Variants in GFRA2 observed in about 807,000 individuals in gnomAD.
GFRA2 encodes GDNF family receptor alpha 2.
A neutral mutation model predicts 48.3 loss-of-function variants in GFRA2; 17 were observed. The ratio of observed to expected loss-of-function variants is 0.35; its 90% CI spans 0.24 to 0.53. The LOEUF (loss-of-function observed/expected upper bound fraction) is 0.53. GFRA2 is among the 20% of genes least tolerant of loss of function. The probability of loss-of-function intolerance (pLI) is 0.93; values close to 1 mark genes in which losing one functional copy is unlikely to be tolerated. For synonymous variants in GFRA2, 305 were observed against 257.2 expected, an observed-to-expected ratio of 1.19 and a Z score of -1.78; for missense variants, 660 against 637.3, an observed-to-expected ratio of 1.04 and a Z score of -0.38.
chr8:21,771,667 C>G (rs1358282811), intron 3 of GFRA2, among the ~76,000 whole-genome samples: 1 of 152,184 alleles, frequency 6.6e-6, no homozygotes, highest in Non-Finnish European at 1.5e-5. Flanking sequence ...TTCCAGGAGG[C>G]CCCTATAACA....
At chr8:21,784,850 G>A (rs1045871609) in intron 1 of GFRA2, among the ~76,000 whole-genome samples, 5 of 152,194 alleles carry the variant, frequency 3.3e-5, no homozygotes, top group Admixed American at 1.3e-4. Context: ...CTGAGGCAGC[G>A]TCTTTCTTCC....
intron 5 of GFRA2, among the ~76,000 whole-genome samples, chr8:21,705,510 T>A (rs1032586780): frequency 6.6e-6 from 1 of 152,072 alleles, no homozygotes; most frequent in Non-Finnish European, 1.5e-5. Flanking sequence ...ATGAGCGAGG[T>A]GAGACTGTGC....
intron 7 of GFRA2, among the ~76,000 whole-genome samples, chr8:21,696,550 G>A (rs956817853): frequency 1.3e-5 from 2 of 152,300 alleles, no homozygotes; most frequent in South Asian, 2.1e-4. Context: ...ACACTCTGCA[G>A]GGTTACACCC....
At chr8:21,774,455 G>A (rs1806592369) in intron 3 of GFRA2, among the ~76,000 whole-genome samples, 1 of 152,180 alleles carries the variant, frequency 6.6e-6, no homozygotes, top group Non-Finnish European at 1.5e-5. Flanking sequence ...ACCCAGGGCA[G>A]AACAGATCTT....
At chr8:21,733,846 A>T (rs752610454) in intron 4 of GFRA2, among the ~76,000 whole-genome samples, 9 of 152,202 alleles carry the variant, frequency 5.9e-5, no homozygotes, top group Non-Finnish European at 1.2e-4. Context: ...TGTCTGGCAG[A>T]GACTCCTCCG....
At chr8:21,734,987 T>C (rs1354352591) in intron 4 of GFRA2, among the ~76,000 whole-genome samples, 1 of 152,310 alleles carries the variant, frequency 6.6e-6, no homozygotes, top group African/African-American at 2.4e-5. Flanking sequence ...TCTCTCACCT[T>C]TTGGAAGCCC....
At chr8:21,715,363 C>A (rs1010876340) in intron 4 of GFRA2, among the ~76,000 whole-genome samples, 3 of 152,194 alleles carry the variant, frequency 2.0e-5, no homozygotes, top group Admixed American at 6.5e-5. Context: ...GGCTGGAGTG[C>A]AATGGCGTGA....
At chr8:21,752,490 G>T (rs935907461) in intron 3 of GFRA2, among the ~76,000 whole-genome samples, 6 of 151,926 alleles carry the variant, frequency 3.9e-5, no homozygotes, top group African/African-American at 1.5e-4. Context: ...AGCCTGCTTT[G>T]CTGGTCCCGT....
intron 3 of GFRA2, among the ~76,000 whole-genome samples, chr8:21,755,679 T>TG (rs1444735210): frequency 6.6e-6 from 1 of 152,014 alleles, no homozygotes; most frequent in Non-Finnish European, 1.5e-5. Flanking sequence ...ACATCACTGC[T>TG]GAAACCTACA....
intron 4 of GFRA2, among the ~76,000 whole-genome samples, chr8:21,722,481 G>A (rs1269359995): frequency 6.6e-6 from 1 of 152,074 alleles, no homozygotes; most frequent in Non-Finnish European, 1.5e-5. Flanking sequence ...TTCACAAAAG[G>A]GGCTTTACAA....
intron 6 of GFRA2, among the ~76,000 whole-genome samples, chr8:21,703,685 GGGTCACCCTT>G (rs1409971896): frequency 6.6e-6 from 1 of 152,116 alleles, no homozygotes; most frequent in Non-Finnish European, 1.5e-5. Flanking sequence ...AGAATCCTGA[GGGTCACCCTT>G]GGTGCCTCCC....
chr8:21,745,839 G>A (rs1227858484), intron 4 of GFRA2, among the ~76,000 whole-genome samples: 1 of 152,168 alleles, frequency 6.6e-6, no homozygotes, highest in Non-Finnish European at 1.5e-5. Flanking sequence ...GCCCAGGGAA[G>A]AGCCTGGTGA....
intron 3 of GFRA2, among the ~76,000 whole-genome samples, chr8:21,772,971 C>A (rs1806510036): frequency 6.6e-6 from 1 of 152,220 alleles, no homozygotes; most frequent in Admixed American, 6.5e-5. Context: ...CTGCCGGTAC[C>A]TGAGCTTCAC....
At chr8:21,801,787 G>A (rs1807775061) in intron 2 of GFRA2, among the ~76,000 whole-genome samples, 1 of 152,152 alleles carries the variant, frequency 6.6e-6, no homozygotes, top group African/African-American at 2.4e-5. Context: ...TCAGCCCTGA[G>A]GAAGGCGGCA....
intron 2 of GFRA2, among the ~76,000 whole-genome samples, chr8:21,776,080 TCCAGGCAGGGCCTGGTGC>T (rs1806690836): frequency 6.9e-6 from 1 of 145,924 alleles, no homozygotes; most frequent in South Asian, 2.4e-4. Context: ...TCATTTCCCA[TCCAGGCAGGGCCTGGTGC>T]CCAGGCAGGC....
chr8:21,706,679 C>T (rs1802765303), intron 4 of GFRA2, among the ~76,000 whole-genome samples: 1 of 152,176 alleles, frequency 6.6e-6, no homozygotes, highest in Non-Finnish European at 1.5e-5. Context: ...CAGAAGCGGC[C>T]TTCCCTTCCC....
intron 4 of GFRA2, among the ~76,000 whole-genome samples, chr8:21,727,348 C>T (rs1803920922): frequency 6.6e-6 from 1 of 152,078 alleles, no homozygotes; most frequent in African/African-American, 2.4e-5. Flanking sequence ...CTTGCCTCTG[C>T]TAGGGGCTCC....
At position 21,788,752 on chromosome 8, in the gene GFRA2, C is replaced by T; in HGVS notation, c.-593G>A. 2.0e-6 allele frequency: 2 copies of T among 985,520 alleles called. No individual in the cohort carries two copies. Among genetic ancestry groups the T allele is most frequent in the Non-Finnish European group, 2.4e-6 (2 of 829,974 alleles). 61.0% of individuals were successfully genotyped at this position (985,520 alleles called of 1,614,324 possible). ...AAATCTTCTCCCGCTAACCCTTGCT[C>T]GGCTCACTTTTTTCTAATGGAATTC... is the stretch of plus-strand genomic sequence containing the variant. On this transcript the variant is annotated 5_prime_UTR_variant, in exon 1 of 9. Coordinates refer to ENST00000524240, the MANE Select transcript of GFRA2 (RefSeq NM_001495.5).
Position 21,786,724 on chromosome 8 carries a change from G to T in GFRA2, c.40+1396C>A, listed in dbSNP as rs372051628. Among the ~76,000 whole-genome samples the T allele has an allele frequency of 3.0e-4, 46 of 152,290 alleles. No individual in the cohort carries two copies. The South Asian group carries it at 9.3e-3, about 31-fold the overall frequency. On this transcript the variant is annotated intron_variant, in intron 1 of 8. Transcript: ENST00000524240. ...GGACTCGCACCTGGCGGGAAGCAGAGGGGACAGGCAGAGAGTCCAGAGCCT... is the reference window on the plus strand; with the variant it reads ...GGACTCGCACCTGGCGGGAAGCAGATGGGACAGGCAGAGAGTCCAGAGCCT...
Sources: gnomAD v4.1 joint callset for allele counts (sites outside exome capture counted in the v4.1 genomes callset) on GRCh38, gnomAD v4.1.1 for gene constraint, MANE v1.5 for transcripts, NCBI Gene and HGNC (gene_info 2026-07-23, HGNC 2026-07-21) for gene names.